RABGAP1L: variants seen among roughly 807,000 people sequenced by gnomAD.
RABGAP1L encodes the protein rab GTPase-activating protein 1-like.
Under a neutral mutation model 137.7 loss-of-function variants are expected in RABGAP1L, and 63 were observed. The observed-to-expected ratio is 0.46, with a 90% CI of 0.37 to 0.56. The LOEUF (loss-of-function observed/expected upper bound fraction) is 0.56. Ranked by LOEUF, RABGAP1L falls within the 20% of genes least tolerant of loss-of-function variation. The probability of loss-of-function intolerance (pLI) is 0.00; values close to 1 mark genes in which losing one functional copy is unlikely to be tolerated. For missense variants in RABGAP1L, 1,095 were observed against 1,244.0 expected (o/e 0.88, Z 1.80); for synonymous variants, 431 against 433.7 (o/e 0.99, Z 0.08).
At chr1:174,520,070 A>G (rs1446716441) in intron 13 of RABGAP1L, among the ~76,000 whole-genome samples, 1 of 152,244 alleles carries the variant, frequency 6.6e-6, no homozygotes, top group Non-Finnish European at 1.5e-5. Flanking sequence ...CAGCACAAGA[A>G]TAGAAAGGCA....
chr1:174,786,089 A>G (rs1687427224), intron 18 of RABGAP1L, among the ~76,000 whole-genome samples: 1 of 152,246 alleles, frequency 6.6e-6, no homozygotes, highest in Non-Finnish European at 1.5e-5. Flanking sequence ...TTCTCTAAAT[A>G]TAATAACTTG....
intron 13 of RABGAP1L, among the ~76,000 whole-genome samples, chr1:174,459,520 C>A (rs962760286): frequency 6.6e-6 from 1 of 152,102 alleles, no homozygotes; most frequent in Admixed American, 6.5e-5. Context: ...CCTACACACA[C>A]CCTTCCATAT....
At chr1:174,716,662 A>G (rs753007315) in intron 17 of RABGAP1L, among the ~76,000 whole-genome samples, 2 of 151,872 alleles carry the variant, frequency 1.3e-5, no homozygotes, top group African/African-American at 4.8e-5. Flanking sequence ...TTCTTTCGAT[A>G]CCTTTGGTAT....
At chr1:174,173,423 C>T (rs1024507512) in intron 1 of RABGAP1L, among the ~76,000 whole-genome samples, 2 of 152,250 alleles carry the variant, frequency 1.3e-5, no homozygotes, top group African/African-American at 4.8e-5. Flanking sequence ...AGCCACAGCA[C>T]CCGGCTGTTA....
chr1:174,459,106 G>GT (rs766922625), intron 13 of RABGAP1L, among the ~76,000 whole-genome samples: 4 of 152,016 alleles, frequency 2.6e-5, no homozygotes, highest in African/African-American at 4.8e-5. Flanking sequence ...GGAGTTTTAT[G>GT]TTTTTTGTCA....
At chr1:174,643,028 G>A (rs1008082210) in intron 14 of RABGAP1L, among the ~76,000 whole-genome samples, 2 of 151,912 alleles carry the variant, frequency 1.3e-5, no homozygotes, top group Non-Finnish European at 1.5e-5. Flanking sequence ...CGGACAATTC[G>A]CCTGCCTCGG....
Position 174,865,119 on chromosome 1 carries a change from CAAAA to C in RABGAP1L, c.2340+53163_2340+53166del, listed in dbSNP as rs940724544. ...TGGGTGACAGAGTGAGACCCTGTCT[CAAAA>C]AAAGTAAATAAATAAATAAAAGAAG... On this transcript the variant is annotated intron_variant, in intron 19 of 25. Coordinates refer to ENST00000681986, the MANE Select transcript of RABGAP1L (RefSeq NM_001366446.1). Among the ~76,000 whole-genome samples, 22 of 151,748 alleles carry C rather than the reference CAAAA, an allele frequency of 1.4e-4. 1 individual carries two copies. Among genetic ancestry groups the C allele is most frequent in the Admixed American group, 1.4e-3 (21 of 15,236 alleles).
In RABGAP1L at chr1:174,978,820, TC is replaced by T; in HGVS notation, c.2664del (p.Phe888LeufsTer5). On this transcript the variant is annotated frameshift_variant, in exon 23 of 26. Coordinates refer to ENST00000681986, the MANE Select transcript of RABGAP1L (RefSeq NM_001366446.1). LOFTEE classifies it high-confidence loss of function. ...EEETAQLKEV[F>X]RKQLEKAEYE... ...TATTCTTTCTAGCTAAAAGAAGTCTTCAGGAAACAGCTAGAGAAGGCAGAAT... is the reference window on the plus strand; with the variant it reads ...TATTCTTTCTAGCTAAAAGAAGTCTTAGGAAACAGCTAGAGAAGGCAGAAT... The T allele has an allele frequency of 6.5e-7, 1 of 1,537,946 alleles. No homozygotes were observed. The highest frequency in any genetic ancestry group is 2.5e-5 in the East Asian group (1 of 40,566).
intron 13 of RABGAP1L, among the ~76,000 whole-genome samples, chr1:174,425,476 G>T (rs531259682): frequency 6.6e-6 from 1 of 151,946 alleles, no homozygotes; most frequent in South Asian, 2.1e-4. Context: ...GTAGTGTTTG[G>T]CAAAGATATG....
chr1:174,891,589 T>A (rs1014626574), intron 19 of RABGAP1L, among the ~76,000 whole-genome samples: 1 of 152,146 alleles, frequency 6.6e-6, no homozygotes, highest in Non-Finnish European at 1.5e-5. Flanking sequence ...CACTGCAGCC[T>A]TGAAATTCCA....
At position 174,727,518 on chromosome 1, in the gene RABGAP1L, A is replaced by C. The variant is rs574074097; in HGVS notation, c.2170-24795A>C. Among the ~76,000 whole-genome samples the C allele has an allele frequency of 2.0e-5, 3 of 152,360 alleles. No homozygotes were observed. The South Asian group carries it at 6.2e-4, about 32-fold the overall frequency. On this transcript the variant is annotated intron_variant, in intron 17 of 25. Coordinates refer to ENST00000681986, the MANE Select transcript of RABGAP1L (RefSeq NM_001366446.1). ...GCTTTGGAAAACAACAAACAGAAAAACAACTAGTAAAGATGGAGATGGATG... is the reference window on the plus strand; with the variant it reads ...GCTTTGGAAAACAACAAACAGAAAACCAACTAGTAAAGATGGAGATGGATG...
At chr1:174,852,645 C>T (rs991331068) in intron 19 of RABGAP1L, among the ~76,000 whole-genome samples, 5 of 152,004 alleles carry the variant, frequency 3.3e-5, no homozygotes, top group Non-Finnish European at 5.9e-5. Context: ...GAAACCCCAT[C>T]GCTACTAAAA....
At chr1:174,224,336 A>G (rs1415062965) in intron 3 of RABGAP1L, among the ~76,000 whole-genome samples, 5 of 152,080 alleles carry the variant, frequency 3.3e-5, no homozygotes, top group Non-Finnish European at 7.4e-5. Flanking sequence ...TTAGCCGGGC[A>G]TGGTGGTTCA....
Position 174,443,477 on chromosome 1 carries a change from A to T in RABGAP1L, c.1710+49332A>T, listed in dbSNP as rs553632535. 2.5e-3 allele frequency among the ~76,000 whole-genome samples: 379 copies of T among 152,230 alleles called. 1 individual carries two copies. The highest frequency in any genetic ancestry group is 4.6e-3 in the Non-Finnish European group (313 of 67,920). ...TTTTGATTTGCATTTGCCAGAGGCA[A>T]AATGAGTAATTTTTCATATAACTCT... is the stretch of plus-strand genomic sequence containing the variant. On this transcript the variant is annotated intron_variant, in intron 13 of 25. Transcript: ENST00000681986.
At chr1:174,778,107 C>T (rs1306642134) in intron 18 of RABGAP1L, among the ~76,000 whole-genome samples, 3 of 151,956 alleles carry the variant, frequency 2.0e-5, no homozygotes, top group Non-Finnish European at 4.4e-5. Flanking sequence ...TACATCAAGG[C>T]GTGTTATGAT....
intron 13 of RABGAP1L, among the ~76,000 whole-genome samples, chr1:174,489,121 AG>A (rs1194909945): frequency 6.6e-6 from 1 of 152,072 alleles, no homozygotes; most frequent in Non-Finnish European, 1.5e-5. Context: ...GGCATGGGCA[AG>A]GACTTCATGA....
intron 19 of RABGAP1L, among the ~76,000 whole-genome samples, chr1:174,925,639 G>C (rs1012727862): frequency 1.3e-5 from 2 of 151,854 alleles, no homozygotes; most frequent in Non-Finnish European, 2.9e-5. Flanking sequence ...TAGATGATGA[G>C]GACTTAGAGG....
At chr1:174,352,371 C>T (rs904767232) in intron 11 of RABGAP1L, among the ~76,000 whole-genome samples, 2 of 151,868 alleles carry the variant, frequency 1.3e-5, no homozygotes, top group Non-Finnish European at 2.9e-5. Context: ...ATTCATTCTT[C>T]AGTATGTCAG....
At chr1:174,457,520 C>CACG in intron 13 of RABGAP1L, among the ~76,000 whole-genome samples, 1 of 123,038 alleles carries the variant, frequency 8.1e-6, no homozygotes, top group East Asian at 2.5e-4. Context: ...CTTGCTTTGT[C>CACG]ACCCAGGCTG....
Sources: gnomAD v4.1 joint callset for allele counts (sites outside exome capture counted in the v4.1 genomes callset) on GRCh38, gnomAD v4.1.1 for gene constraint, MANE v1.5 for transcripts, NCBI Gene and HGNC (gene_info 2026-07-23, HGNC 2026-07-21) for gene names.